STK4: variants seen among roughly 807,000 people sequenced by gnomAD.
STK4 encodes serine/threonine kinase 4.
In STK4, 30 loss-of-function variants were observed where a neutral mutation model predicts 64.9. The ratio of observed to expected loss-of-function variants is 0.46; its 90% CI spans 0.35 to 0.63. The LOEUF is 0.63. STK4 is among the 20% of genes least tolerant of loss of function. STK4 has a pLI of 0.01. For missense variants in STK4, 466 were observed against 598.5 expected (o/e 0.78, Z 2.31); for synonymous variants, 177 against 199.0 (o/e 0.89, Z 0.93).
intron 10 of STK4, among the ~76,000 whole-genome samples, chr20:45,061,432 T>A (rs116231134): frequency 1.5e-3 from 227 of 152,274 alleles, no homozygotes; most frequent in African/African-American, 5.3e-3. Context: ...CCTTGTGCCA[T>A]CCTGCTCCAT....
chr20:45,014,802 C>T (rs1391579544), intron 9 of STK4, among the ~76,000 whole-genome samples: 1 of 152,158 alleles, frequency 6.6e-6, no homozygotes, highest in Non-Finnish European at 1.5e-5. Flanking sequence ...TAGCCCTGGT[C>T]ACCCCTCCTC....
At chr20:45,009,745 C>T (rs1364075272) in intron 9 of STK4, among the ~76,000 whole-genome samples, 2 of 152,160 alleles carry the variant, frequency 1.3e-5, no homozygotes, top group Non-Finnish European at 2.9e-5. Flanking sequence ...AGATCCTTCA[C>T]TTCCTTGGTT....
intron 10 of STK4, among the ~76,000 whole-genome samples, chr20:45,050,131 A>C (rs1004754517): frequency 2.6e-5 from 4 of 152,212 alleles, no homozygotes; most frequent in Non-Finnish European, 5.9e-5. Flanking sequence ...GAGAACAGTC[A>C]GCAGTGCTCG....
At chr20:45,029,192 T>C (rs1308089286) in intron 10 of STK4, among the ~76,000 whole-genome samples, 5 of 152,208 alleles carry the variant, frequency 3.3e-5, no homozygotes, top group Admixed American at 6.5e-5. Flanking sequence ...CCTACATTAT[T>C]GGTTAATGGT....
At chr20:44,995,700 G>A (rs2067717918) in intron 6 of STK4, among the ~76,000 whole-genome samples, 1 of 150,298 alleles carries the variant, frequency 6.7e-6, no homozygotes, top group Admixed American at 6.6e-5. Flanking sequence ...TGTCGCTATA[G>A]ATGATACACC....
chr20:45,075,127 C>T lies in STK4; in HGVS notation c.1415C>T (p.Pro472Leu). 1.2e-6 allele frequency: 2 copies of T among 1,614,128 alleles called. No individual in the cohort carries two copies. Among genetic ancestry groups the T allele is most frequent in the Non-Finnish European group, 8.5e-7 (1 of 1,180,028 alleles). ...CAGAAGTACCAGTCCAAGCGGCAGC[C>T]CATCCTGGATGCCATAGAGGCTAAG... The part of the protein sequence containing the change: ...IRQKYQSKRQ[P>L]ILDAIEAKKR... The change falls in exon 11 of 11, where the codon CCC (proline) becomes CTC (leucine). Residue 472 changes from proline (P) to leucine (L), a missense_variant. Around this residue, in one of 2 missense-constraint regions of STK4, gnomAD observed 276 missense variants for 308.9 expected, o/e 0.89. Transcript: ENST00000372806.
chr20:45,038,659 T>C (rs2068565170), intron 10 of STK4, among the ~76,000 whole-genome samples: 1 of 152,042 alleles, frequency 6.6e-6, no homozygotes, highest in Non-Finnish European at 1.5e-5. Context: ...TATAAATTGG[T>C]AGTTTTATCT....
chr20:45,024,664 A>G (rs1341685832), intron 9 of STK4, among the ~76,000 whole-genome samples: 1 of 152,206 alleles, frequency 6.6e-6, no homozygotes, highest in Non-Finnish European at 1.5e-5. Flanking sequence ...GGGAGACTCC[A>G]AATGTATTAT....
chr20:44,981,987 G>T, intron 4 of STK4, 44 bp downstream of exon 4: 1 of 1,352,718 alleles, frequency 7.4e-7, no homozygotes, highest in Non-Finnish European at 1.1e-6. Context: ...AGTTTCTTAT[G>T]CCATCTTCTT....
intron 5 of STK4, 73 bp from the exon 6 acceptor site, chr20:44,995,017 C>G: frequency 2.8e-6 from 3 of 1,062,802 alleles, no homozygotes; most frequent in South Asian, 3.3e-5. Flanking sequence ...TTCTTTTTTT[C>G]TCTGTAGACT....
Position 44,978,418 on chromosome 20 carries a change from T to C in STK4, c.117-25T>C. 1.3e-6 allele frequency: 2 copies of C among 1,598,804 alleles called. 1 individual carries two copies. Among genetic ancestry groups the C allele is most frequent in the South Asian group, 2.3e-5 (2 of 88,264 alleles). ...TCTTGGCTTGCTTTGACTTTATAAA[T>C]GTTCTTCTTCTCCCAAATGTATAGG... On this transcript the variant is annotated intron_variant, in intron 2 of 10. Transcript: ENST00000372806.
intron 9 of STK4, 28 bp downstream of exon 9, chr20:45,001,381 T>A (rs1440583051): frequency 1.3e-6 from 2 of 1,589,376 alleles, no homozygotes; most frequent in African/African-American, 1.3e-5. Flanking sequence ...TTCACTGACT[T>A]CTTAGACCAA....
At chr20:45,024,950 T>A (rs199946365) in intron 9 of STK4, 23 bp from the exon 10 acceptor site, 58 of 1,536,140 alleles carry the variant, frequency 3.8e-5, no homozygotes, top group Non-Finnish European at 5.1e-5. Flanking sequence ...TTCTTTTCAT[T>A]TTTCATTTTT....
At chr20:45,026,752 G>C (rs190154371) in intron 10 of STK4, among the ~76,000 whole-genome samples, 37 of 152,224 alleles carry the variant, frequency 2.4e-4, no homozygotes, top group Non-Finnish European at 4.4e-4. Flanking sequence ...CTGAACACAG[G>C]TGCAGTGTTT....
rs1035142770 is a variant in STK4 at position 45,041,895 on chromosome 20, TG to T, written c.1305+16767del. Among the ~76,000 whole-genome samples, 34 of 152,290 alleles carry T rather than the reference TG, an allele frequency of 2.2e-4. 1 individual carries two copies. Among genetic ancestry groups the T allele is most frequent in the Admixed American group, 2.2e-3 (33 of 15,294 alleles). ...GCCAGGTGTTAACAACCTGGAGGCC[TG>T]GAATTCCTAATTGCTGTAATCAGAA... On this transcript the variant is annotated intron_variant, in intron 10 of 10. Transcript: ENST00000372806.
chr20:45,036,521 A>G (rs1242451238), intron 10 of STK4, among the ~76,000 whole-genome samples: 1 of 152,164 alleles, frequency 6.6e-6, no homozygotes, highest in African/African-American at 2.4e-5. Flanking sequence ...GAGAGTAGCG[A>G]TGCTGGCAAT....
intron 5 of STK4, among the ~76,000 whole-genome samples, chr20:44,989,062 G>T (rs1432917533): frequency 2.0e-5 from 3 of 152,014 alleles, no homozygotes; most frequent in Non-Finnish European, 4.4e-5. Context: ...TCTGCTTTTT[G>T]GCTGTTAGGA....
intron 2 of STK4, among the ~76,000 whole-genome samples, chr20:44,976,418 G>A (rs549365789): frequency 6.6e-6 from 1 of 152,318 alleles, no homozygotes; most frequent in South Asian, 2.1e-4. Context: ...GATTGAAGAA[G>A]TTTATGAAGT....
chr20:44,978,323 T>A (rs2067374711), intron 2 of STK4, 120 bp from the exon 3 acceptor site: 2 of 1,204,048 alleles, frequency 1.7e-6, no homozygotes, highest in Non-Finnish European at 2.2e-6. Context: ...GTTTTGCAAG[T>A]GTATATGTAT....
Sources: gnomAD v4.1 joint callset for allele counts (sites outside exome capture counted in the v4.1 genomes callset) on GRCh38, gnomAD v4.1.1 for gene constraint, gnomAD v4.1.1 regional missense constraint, MANE v1.5 for transcripts, NCBI Gene and HGNC (gene_info 2026-07-23, HGNC 2026-07-21) for gene names.